ZNF608: variants seen among roughly 807,000 people sequenced by gnomAD.
The protein encoded by ZNF608 is renal carcinoma antigen NY-REN-36.
A neutral mutation model predicts 109.0 loss-of-function variants in ZNF608; 12 were observed. The observed-to-expected ratio is 0.11, with a 90% confidence interval of 0.07 to 0.18. The LOEUF is 0.18. Among genes scored for constraint, ZNF608 ranks in the 10% least tolerant of loss-of-function variants. The pLI is 1.00. For synonymous variants in ZNF608, 732 were observed against 717.4 expected (o/e 1.02, Z -0.33); for missense variants, 1,707 against 1,879.3 (o/e 0.91, Z 1.70).
In ZNF608 at chr5:124,744,063, A is replaced by T; in HGVS notation, c.906+21T>A. 1 of 1,560,976 alleles carries T rather than the reference A, an allele frequency of 6.4e-7. No individual in the cohort carries two copies. Among genetic ancestry groups the T allele is most frequent in the Admixed American group, 1.8e-5 (1 of 54,910 alleles). ...GCACACAGAGGAGAGTAGGACATCT[A>T]GGAAGGCGACTTTATCCTACCTTCT... On this transcript the variant is annotated intron_variant, in intron 2 of 9. Coordinates refer to ENST00000513986, the MANE Select transcript of ZNF608 (RefSeq NM_020747.3). This position sits in a 1 kb window ranked among gnomAD's most constrained non-coding sequence, Gnocchi z 4.5.
Position 124,644,234 on chromosome 5 carries a change from C to A in ZNF608, c.4123+10G>T, listed in dbSNP as rs577744685. 2.5e-6 allele frequency: 4 copies of A among 1,592,052 alleles called. No individual in the cohort carries two copies. In the South Asian group the frequency reaches 4.5e-5, roughly 18 times the overall value. ...TTTCCTCCAATATAGTCAGAACCGACAACACGTACCAGGATAACTGTGCAT... is the reference window on the plus strand; with the variant it reads ...TTTCCTCCAATATAGTCAGAACCGAAAACACGTACCAGGATAACTGTGCAT... On this transcript the variant is annotated intron_variant, in intron 6 of 9. Coordinates refer to ENST00000513986, the MANE Select transcript of ZNF608 (RefSeq NM_020747.3).
At chr5:124,672,318 A>T (rs187383279) in intron 3 of ZNF608, among the ~76,000 whole-genome samples, 2 of 152,122 alleles carry the variant, frequency 1.3e-5, no homozygotes, top group Middle Eastern at 3.4e-3. Context: ...GCCACTTATT[A>T]AAAAAAAGGA....
chr5:124,672,996 C>T (rs1005041440), intron 3 of ZNF608, among the ~76,000 whole-genome samples: 4 of 152,174 alleles, frequency 2.6e-5, no homozygotes, highest in Non-Finnish European at 4.4e-5. Context: ...AAAAGGGTAA[C>T]TGCAGTGGAC....
rs1162031422 is a variant in ZNF608 at position 124,746,436 on chromosome 5, AAAT to A, written c.-428_-426del. ...AAAAATGTGTCACTGTACAGCTGGA[AAAT>A]AATGTTTCACATTCACAACAGAAGC... On this transcript the variant is annotated 5_prime_UTR_variant, in exon 1 of 10. Transcript: ENST00000513986. The A allele has an allele frequency of 8.1e-6, 8 of 985,450 alleles. No individual in the cohort carries two copies. In the East Asian group the frequency reaches 6.8e-4, roughly 84 times the overall value. 61.0% of individuals were successfully genotyped at this position (985,450 alleles called of 1,614,324 possible). A position where few individuals can be genotyped will look rare whatever the true frequency, so the allele number is the denominator to read the frequency against.
At chr5:124,643,817 A>G in intron 6 of ZNF608, 134 bp from the exon 7 acceptor site, 1 of 840,876 alleles carries the variant, frequency 1.2e-6, no homozygotes, top group Non-Finnish European at 1.8e-6. Context: ...GGGCTACATC[A>G]TCATTAAACT....
intron 5 of ZNF608, 59 bp from the exon 6 acceptor site, chr5:124,644,720 T>C: frequency 7.0e-7 from 1 of 1,432,628 alleles, no homozygotes; most frequent in South Asian, 1.4e-5. Flanking sequence ...ATTTCAATTT[T>C]AAAGAAAACT....
intron 3 of ZNF608, among the ~76,000 whole-genome samples, chr5:124,676,713 T>G (rs1751960541): frequency 6.6e-6 from 1 of 152,168 alleles, no homozygotes; most frequent in South Asian, 2.1e-4. Context: ...AATGGATAAA[T>G]AATAATGGTA....
chr5:124,693,399 CAA>C (rs1752695528), intron 3 of ZNF608, among the ~76,000 whole-genome samples: 1 of 152,152 alleles, frequency 6.6e-6, no homozygotes, highest in South Asian at 2.1e-4. Flanking sequence ...CATATACACA[CAA>C]ATATTACAAG....
intron 2 of ZNF608, among the ~76,000 whole-genome samples, chr5:124,720,352 G>C (rs4432878): frequency 0.19 from 28,661 of 151,982 alleles, 2,899 homozygotes; most frequent in Admixed American, 0.27. Flanking sequence ...CTGACTATGA[G>C]GTTTCTCTAT....
At chr5:124,732,569 G>A (rs557959663) in intron 2 of ZNF608, among the ~76,000 whole-genome samples, 1 of 150,404 alleles carries the variant, frequency 6.6e-6, no homozygotes, top group East Asian at 1.9e-4. Context: ...AAGACATACT[G>A]ACATTCAGGC....
intron 3 of ZNF608, among the ~76,000 whole-genome samples, chr5:124,665,160 AGG>A: frequency 6.7e-6 from 1 of 149,206 alleles, no homozygotes; most frequent in African/African-American, 2.5e-5. Context: ...TGGGCAACAG[AGG>A]GAGACTCCAC....
chr5:124,693,632 T>C (rs1005744791), intron 3 of ZNF608, among the ~76,000 whole-genome samples: 6 of 152,074 alleles, frequency 3.9e-5, no homozygotes, highest in African/African-American at 1.4e-4. Context: ...AAAAAACAAA[T>C]ATTTGATCTA....
intron 3 of ZNF608, among the ~76,000 whole-genome samples, chr5:124,686,277 C>T (rs1010048364): frequency 6.6e-6 from 1 of 152,184 alleles, no homozygotes; most frequent in African/African-American, 2.4e-5. Context: ...TGGGATAATG[C>T]CCTTCGGTCA....
intron 5 of ZNF608, 88 bp from the exon 6 acceptor site, chr5:124,644,749 C>T: frequency 3.6e-5 from 39 of 1,096,464 alleles, no homozygotes; most frequent in Non-Finnish European, 4.5e-5. Context: ...ATCATGACAG[C>T]ACTAGCACTC....
chr5:124,674,687 G>A (rs1228493628), intron 3 of ZNF608, among the ~76,000 whole-genome samples: 10 of 152,032 alleles, frequency 6.6e-5, no homozygotes, highest in Non-Finnish European at 4.4e-5. Context: ...CATAGCTCAC[G>A]GCAGCCTCAA....
intron 3 of ZNF608, among the ~76,000 whole-genome samples, chr5:124,666,932 A>C (rs1159108385): frequency 6.6e-6 from 1 of 152,174 alleles, no homozygotes; most frequent in Non-Finnish European, 1.5e-5. Flanking sequence ...ATTTAATAAA[A>C]ATTGTCATTC....
Position 124,661,031 on chromosome 5 carries a change from A to C in ZNF608, c.1163-11334T>G, listed in dbSNP as rs527930359. ...AGAATCTTAAGGGCTGCAAATTCCA[A>C]CCTGAGGGACTTCTTTTATTATTTC... On this transcript the variant is annotated intron_variant, in intron 3 of 9. Transcript: ENST00000513986. Among the ~76,000 whole-genome samples, 234 of 152,264 alleles carry C rather than the reference A, an allele frequency of 1.5e-3. 2 individuals carry two copies. Among genetic ancestry groups the C allele is most frequent in the African/African-American group, 5.5e-3 (229 of 41,546 alleles).
intron 2 of ZNF608, 116 bp from the exon 3 acceptor site, chr5:124,701,385 A>C (rs1179963835): frequency 5.9e-6 from 8 of 1,347,808 alleles, no homozygotes; most frequent in Non-Finnish European, 8.2e-6. Flanking sequence ...TTGCAATTAT[A>C]ATATGCTTTG....
At chr5:124,653,918 T>G (rs1295547369) in intron 3 of ZNF608, among the ~76,000 whole-genome samples, 1 of 152,110 alleles carries the variant, frequency 6.6e-6, no homozygotes, top group Non-Finnish European at 1.5e-5. Flanking sequence ...CTCAGGACTT[T>G]GTGTGCGTGT....
Sources: allele counts gnomAD v4.1 joint callset (sites outside exome capture counted in the v4.1 genomes callset), GRCh38; gene constraint gnomAD v4.1.1; non-coding constraint Gnocchi (gnomAD v3.1); transcripts MANE v1.5; gene names NCBI Gene and HGNC (gene_info 2026-07-23, HGNC 2026-07-21).